POLN: variants seen among roughly 807,000 people sequenced by gnomAD.
The protein encoded by POLN is DNA polymerase nu, also known as DNA polymerase N.
In POLN, 108 loss-of-function variants were observed where a neutral mutation model predicts 113.5. The ratio of observed to expected loss-of-function variants is 0.95; its 90% CI spans 0.81 to 1.12. The LOEUF is 1.12. POLN is among the 50% of genes most tolerant of loss of function. POLN has a pLI of 0.00. For synonymous variants in POLN, 386 were observed against 391.5 expected, an observed-to-expected ratio of 0.99 and a Z score of 0.17; for missense variants, 1,097 against 1,077.1, an observed-to-expected ratio of 1.02 and a Z score of -0.26.
intron 16 of POLN, among the ~76,000 whole-genome samples, chr4:2,138,769 G>C (rs1432422309): frequency 2.6e-5 from 4 of 152,038 alleles, no homozygotes; most frequent in Admixed American, 6.5e-5. Flanking sequence ...AGGTGTGGTG[G>C]TGCATGTCTG....
intron 5 of POLN, among the ~76,000 whole-genome samples, chr4:2,206,495 T>C (rs1733846726): frequency 6.6e-6 from 1 of 152,128 alleles, no homozygotes; most frequent in Non-Finnish European, 1.5e-5. Flanking sequence ...TCACAATCCA[T>C]ACATCTGACA....
At chr4:2,242,001 T>A in intron 1 of POLN, 50 bp downstream of exon 1, 1 of 985,432 alleles carries the variant, frequency 1.0e-6, no homozygotes, top group South Asian at 4.7e-5. Context: ...TCGCGGCCAC[T>A]CCTCCAGCCC....
rs776099602 is a variant in POLN at position 2,171,115 on chromosome 4, T to C, written c.1441A>G (p.Asn481Asp). Residue 481 changes from asparagine to aspartate, a missense_variant, in exon 12 of 26, where the codon AAT (asparagine) becomes GAT (aspartate). Physicochemically the swap from Asn to Asp is conservative, Grantham distance 23. Transcript: ENST00000511885. ...AGCTTTACCTCTCGAAGCTGGTTATTGCTCGTTATAAGAAACCGTTCTCCT... is the reference window on the plus strand; with the variant it reads ...AGCTTTACCTCTCGAAGCTGGTTATCGCTCGTTATAAGAAACCGTTCTCCT... ...VAGERFLITSNNQLREILFGK... is the reference protein window; with the variant it reads ...VAGERFLITSDNQLREILFGK... The C allele has an allele frequency of 8.1e-6, 13 of 1,613,350 alleles. No homozygotes were observed. The South Asian group carries it at 1.4e-4, about 18-fold the overall frequency.
chr4:2,133,895 T>C (rs1731788822), intron 16 of POLN, among the ~76,000 whole-genome samples: 2 of 152,258 alleles, frequency 1.3e-5, no homozygotes, highest in Admixed American at 1.3e-4. Context: ...CTCTTGCTGT[T>C]GTACATTCTA....
At chr4:2,145,556 C>T (rs1732117259) in intron 16 of POLN, among the ~76,000 whole-genome samples, 1 of 151,978 alleles carries the variant, frequency 6.6e-6, no homozygotes, top group South Asian at 2.1e-4. Flanking sequence ...ATACACTGAC[C>T]CTCATTACTA....
chr4:2,159,302 T>G (rs1290898878), intron 13 of POLN, 91 bp from the exon 14 acceptor site: 6 of 1,067,592 alleles, frequency 5.6e-6, no homozygotes, highest in African/African-American at 1.6e-5. Context: ...TCATAATAAA[T>G]GGTCTAATTG....
At chr4:2,113,528 T>C (rs1416481338) in intron 19 of POLN, among the ~76,000 whole-genome samples, 3 of 151,966 alleles carry the variant, frequency 2.0e-5, no homozygotes, top group Non-Finnish European at 4.4e-5. Flanking sequence ...TTTGATGTCT[T>C]ACATTTTACT....
intron 18 of POLN, among the ~76,000 whole-genome samples, chr4:2,128,648 C>T (rs1046615964): frequency 7.0e-6 from 1 of 142,506 alleles, no homozygotes; most frequent in African/African-American, 2.6e-5. Flanking sequence ...AAGGCCGCAG[C>T]GAGCAGGGCA....
At chr4:2,081,521 G>T in intron 22 of POLN, 112 bp downstream of exon 22, 1 of 1,028,624 alleles carries the variant, frequency 9.7e-7, no homozygotes. Flanking sequence ...AAGGAGGTTT[G>T]TGATGAGCAG....
chr4:2,123,372 T>A (rs751974828), intron 19 of POLN, among the ~76,000 whole-genome samples: 1 of 151,958 alleles, frequency 6.6e-6, no homozygotes, highest in Non-Finnish European at 1.5e-5. Flanking sequence ...ACACCTGTAA[T>A]CCCAGCACTT....
intron 19 of POLN, among the ~76,000 whole-genome samples, chr4:2,115,229 T>TAC (rs1553895279): frequency 2.3e-4 from 7 of 30,852 alleles, no homozygotes; most frequent in African/African-American, 4.7e-4. Flanking sequence ...TATATATATA[T>TAC]TTTTTTTTTT....
At chr4:2,161,143 C>T (rs549703915) in intron 13 of POLN, among the ~76,000 whole-genome samples, 10 of 152,368 alleles carry the variant, frequency 6.6e-5, no homozygotes, top group Non-Finnish European at 1.2e-4. Flanking sequence ...CTCGGCGCCT[C>T]CTCTGCCTGG....
chr4:2,238,931 C>G (rs1379661723), intron 2 of POLN: 2 of 1,609,992 alleles, frequency 1.2e-6, no homozygotes, highest in African/African-American at 2.7e-5. Context: ...GGCATTCTCT[C>G]TTACCACAGC....
chr4:2,192,748 G>A (rs1439933298), intron 7 of POLN, among the ~76,000 whole-genome samples: 1 of 151,842 alleles, frequency 6.6e-6, no homozygotes, highest in Non-Finnish European at 1.5e-5. Flanking sequence ...CAGGAGGATG[G>A]CTTGAGGCCA....
chr4:2,080,628 A>G, intron 23 of POLN: 1 of 1,253,336 alleles, frequency 8.0e-7, no homozygotes, highest in South Asian at 1.6e-5. Flanking sequence ...GGTCCTGCTC[A>G]AGGGGCTGAG....
chr4:2,117,973 A>T (rs1387756551), intron 19 of POLN, among the ~76,000 whole-genome samples: 2 of 152,236 alleles, frequency 1.3e-5, no homozygotes, highest in Non-Finnish European at 2.9e-5. Context: ...CTTTGAGCCC[A>T]GATGGGTGGT....
chr4:2,139,148 G>A (rs890904451), intron 16 of POLN, among the ~76,000 whole-genome samples: 1 of 152,188 alleles, frequency 6.6e-6, no homozygotes, highest in Non-Finnish European at 1.5e-5. Context: ...AGGGTCAGAG[G>A]GGAAGGGCAG....
chr4:2,155,315 C>T (rs1223754500), intron 16 of POLN, among the ~76,000 whole-genome samples: 1 of 152,176 alleles, frequency 6.6e-6, no homozygotes, highest in Non-Finnish European at 1.5e-5. Flanking sequence ...TACTACCACT[C>T]TTCGCTAGAT....
intron 16 of POLN, among the ~76,000 whole-genome samples, chr4:2,141,348 T>C (rs919511140): frequency 1.3e-5 from 2 of 152,174 alleles, no homozygotes; most frequent in African/African-American, 4.8e-5. Flanking sequence ...CTCTCCCCTC[T>C]CTGTCCTTCT....
Sources: gnomAD v4.1 joint callset for allele counts (sites outside exome capture counted in the v4.1 genomes callset) on GRCh38, gnomAD v4.1.1 for gene constraint, MANE v1.5 for transcripts, NCBI Gene and HGNC (gene_info 2026-07-23, HGNC 2026-07-21) for gene names.